The following NEK5 variants were observed in gnomAD, a reference collection of about 807,000 sequenced individuals.
NEK5 encodes the protein serine/threonine-protein kinase Nek5.
A neutral mutation model predicts 109.2 loss-of-function variants in NEK5; 88 were observed. The observed-to-expected ratio is 0.81, with a 90% CI of 0.68 to 0.96. The LOEUF is 0.96. Among genes scored for constraint, NEK5 ranks in the 40% least tolerant of loss-of-function variants. The pLI is 0.00. For synonymous variants in NEK5, 283 were observed against 299.9 expected, an observed-to-expected ratio of 0.94 and a Z score of 0.58; for missense variants, 834 against 920.7, an observed-to-expected ratio of 0.91 and a Z score of 1.22.
At chr13:52,082,058 A>G (rs1012629299) in intron 17 of NEK5, among the ~76,000 whole-genome samples, 6 of 152,228 alleles carry the variant, frequency 3.9e-5, no homozygotes, top group African/African-American at 1.4e-4. Flanking sequence ...GCTCATGCCT[A>G]TAATCCCAGC....
At chr13:52,073,369 G>A (rs1326335825) in intron 19 of NEK5, among the ~76,000 whole-genome samples, 2 of 150,262 alleles carry the variant, frequency 1.3e-5, no homozygotes, top group African/African-American at 2.5e-5. Flanking sequence ...AGGCTCGAGT[G>A]CAGTACAGTG....
intron 23 of NEK5, among the ~76,000 whole-genome samples, chr13:52,038,825 G>GAAAA (rs1183060212): frequency 0.35 from 32,639 of 92,144 alleles, 6,816 homozygotes; most frequent in Non-Finnish European, 0.48. Flanking sequence ...ACACTCATCT[G>GAAAA]AAAAAAAAAA....
intron 16 of NEK5, among the ~76,000 whole-genome samples, chr13:52,084,762 A>AGTGTGTGTGTGTGTGTGT (rs368429926): frequency 4.2e-5 from 2 of 47,436 alleles, no homozygotes; most frequent in African/African-American, 1.5e-4. Flanking sequence ...AGAGAGAGAG[A>AGTGTGTGTGTGTGTGTGT]GTGTGTGTGT....
At chr13:52,118,537 CTTCAT>C (rs2138109233) in intron 4 of NEK5, among the ~76,000 whole-genome samples, 1 of 152,190 alleles carries the variant, frequency 6.6e-6, no homozygotes, top group Admixed American at 6.5e-5. Context: ...ACCAATGCTC[CTTCAT>C]TTATTATTTA....
intron 23 of NEK5, among the ~76,000 whole-genome samples, chr13:52,048,886 G>A (rs1357987055): frequency 6.6e-6 from 1 of 152,080 alleles, no homozygotes; most frequent in Non-Finnish European, 1.5e-5. Context: ...CACTTAGACA[G>A]GTGGAATAAT....
intron 20 of NEK5, among the ~76,000 whole-genome samples, chr13:52,068,126 T>C (rs1480244476): frequency 6.6e-6 from 1 of 152,132 alleles, no homozygotes; most frequent in Admixed American, 6.5e-5. Flanking sequence ...ATCAGGTTCC[T>C]CATAAAAGCC....
intron 11 of NEK5, 57 bp from the exon 12 acceptor site, chr13:52,099,933 C>A: frequency 7.7e-7 from 1 of 1,303,126 alleles, no homozygotes; most frequent in Admixed American, 1.8e-5. Context: ...ACCATTAATA[C>A]TGATACTTGT....
chr13:52,125,060 G>A (rs762331030), intron 3 of NEK5, among the ~76,000 whole-genome samples: 5 of 152,286 alleles, frequency 3.3e-5, no homozygotes, highest in African/African-American at 7.2e-5. Context: ...TTAATACAGC[G>A]CAGCACATAG....
chr13:52,127,527 T>C (rs1371459703), intron 2 of NEK5, 23 bp from the exon 3 acceptor site: 2 of 1,015,992 alleles, frequency 2.0e-6, no homozygotes, highest in Non-Finnish European at 3.1e-6. Context: ...TAATGTAAAT[T>C]TATCACACAC....
chr13:52,106,310 C>T (rs986666688), intron 8 of NEK5, among the ~76,000 whole-genome samples: 34 of 152,272 alleles, frequency 2.2e-4, no homozygotes, highest in Admixed American at 1.8e-3. Flanking sequence ...ATCTCTTGGG[C>T]ATTTTTTCCT....
At position 52,036,928 on chromosome 13, in the gene NEK5, C is replaced by T; in HGVS notation, c.*20G>A. 8.2e-6 allele frequency: 8 copies of T among 981,002 alleles called. No homozygotes were observed. Among genetic ancestry groups the T allele is most frequent in the Non-Finnish European group, 9.7e-6 (8 of 825,902 alleles). The allele number at this position is 981,002 out of a possible 1,614,324, so 60.8% of individuals were successfully genotyped here. A position where few individuals can be genotyped will look rare whatever the true frequency, so the allele number is the denominator to read the frequency against. Reference sequence around the variant, plus strand: ...ATAGGTAATAGACACTAACTTATTACTTAAGAAAAAGTACAATAATCACAC... The same window carrying T: ...ATAGGTAATAGACACTAACTTATTATTTAAGAAAAAGTACAATAATCACAC... On this transcript the variant is annotated 3_prime_UTR_variant, in exon 24 of 24. Transcript: ENST00000684899.
chr13:52,108,140 G>T (rs1192468576), intron 8 of NEK5, among the ~76,000 whole-genome samples, 178 bp downstream of exon 8: 1 of 151,962 alleles, frequency 6.6e-6, no homozygotes, highest in Admixed American at 6.6e-5. Context: ...ATTGGACCGC[G>T]AGAAATAGCA....
At chr13:52,075,853 AGT>A in intron 18 of NEK5, 27 bp from the exon 19 acceptor site, 1 of 1,339,506 alleles carries the variant, frequency 7.5e-7, no homozygotes, top group Non-Finnish European at 1.0e-6. Context: ...AAAAAAAAAA[AGT>A]TTAGCAATTC....
intron 22 of NEK5, among the ~76,000 whole-genome samples, chr13:52,059,612 T>A (rs1393865705): frequency 3.3e-5 from 5 of 152,110 alleles, no homozygotes; most frequent in African/African-American, 1.2e-4. Flanking sequence ...CACCATGGAA[T>A]ACTATGCACC....
chr13:52,049,534 G>A (rs1285466286), intron 23 of NEK5, among the ~76,000 whole-genome samples: 3 of 151,824 alleles, frequency 2.0e-5, no homozygotes, highest in Admixed American at 6.6e-5. Context: ...TCCCAACAAC[G>A]TTTCTCATAC....
chr13:52,115,997 G>A (rs1296730093), intron 4 of NEK5, among the ~76,000 whole-genome samples: 17 of 151,906 alleles, frequency 1.1e-4, no homozygotes, highest in East Asian at 5.8e-4. Flanking sequence ...GCAACATGGC[G>A]AAAACCTGGC....
intron 21 of NEK5, among the ~76,000 whole-genome samples, chr13:52,062,603 T>A (rs892968684): frequency 6.6e-5 from 10 of 151,966 alleles, no homozygotes; most frequent in Non-Finnish European, 4.4e-5. Flanking sequence ...CTATTTTTAG[T>A]AGAGACAGGG....
At chr13:52,048,489 T>C (rs17480693) in intron 23 of NEK5, among the ~76,000 whole-genome samples, 3,231 of 151,988 alleles carry the variant, frequency 0.021, 84 homozygotes, top group Admixed American at 0.084. Context: ...ACCTATGCCA[T>C]AAACAAAATT....
chr13:52,054,669 G>A (rs1056742467), intron 22 of NEK5, among the ~76,000 whole-genome samples: 43 of 152,314 alleles, frequency 2.8e-4, no homozygotes, highest in African/African-American at 9.9e-4. Flanking sequence ...TAACTGGGAG[G>A]CACCCCCCAG....
Sources: gnomAD v4.1 joint callset for allele counts (sites outside exome capture counted in the v4.1 genomes callset) on GRCh38, gnomAD v4.1.1 for gene constraint, MANE v1.5 for transcripts, NCBI Gene and HGNC (gene_info 2026-07-23, HGNC 2026-07-21) for gene names.